Variants in DPP9 observed in about 807,000 individuals in gnomAD.
DPP9 encodes dipeptidyl peptidase 9, also known as dipeptidyl peptidase IV-related protein-2.
In DPP9, 50 loss-of-function variants were observed where a neutral mutation model predicts 110.7. That is an observed-to-expected ratio of 0.45 (90% confidence interval 0.36 to 0.57). The LOEUF is 0.57. DPP9 is among the 20% of genes least tolerant of loss of function. The probability of loss-of-function intolerance (pLI) is 0.00; values close to 1 mark genes in which losing one functional copy is unlikely to be tolerated. For synonymous variants in DPP9, 561 were observed against 514.4 expected, an observed-to-expected ratio of 1.09 and a Z score of -1.23; for missense variants, 1,022 against 1,217.9, an observed-to-expected ratio of 0.84 and a Z score of 2.39.
chr19:4,683,050 G>T (rs2090139740), intron 19 of DPP9: 2 of 1,507,200 alleles, frequency 1.3e-6, no homozygotes, highest in South Asian at 2.4e-5. Context: ...AGGCGGGCAG[G>T]TGCGGCCCCT....
At position 4,684,954 on chromosome 19, in the gene DPP9, G is replaced by T; in HGVS notation, c.2032-145C>A. 1.9e-6 allele frequency: 2 copies of T among 1,075,420 alleles called. No individual in the cohort carries two copies. The highest frequency in any genetic ancestry group is 2.8e-6 in the Non-Finnish European group (2 of 725,814). 66.6% of individuals were successfully genotyped at this position (1,075,420 alleles called of 1,614,324 possible). On this transcript the variant is annotated intron_variant, in intron 17 of 21. Transcript: ENST00000262960. This position sits in a 1 kb window ranked among gnomAD's most constrained non-coding sequence, Gnocchi z 4.8. ...ACCTGTGCCCCGGAGGCTCTGGATG[G>T]ACACCTGGGAGTGGCAAGGCGGGAG...
rs1205506589 is a variant in DPP9, at chr19:4,675,385, CT to C, written c.*1178del. The C allele has an allele frequency of 6.6e-6, 1 of 150,398 alleles. No homozygotes were observed. Among genetic ancestry groups the C allele is most frequent in the Non-Finnish European group, 1.5e-5 (1 of 67,692 alleles). 9.3% of individuals were successfully genotyped at this position (150,398 alleles called of 1,614,324 possible). A position where few individuals can be genotyped will look rare whatever the true frequency, so the allele number is the denominator to read the frequency against. ...TTTTTACTTTTTTTTTTGCCCGCCC[CT>C]GGCAGAGCTCTTGGCGGGGAGGGAA... On this transcript the variant is annotated 3_prime_UTR_variant, in exon 22 of 22. Transcript: ENST00000262960.
chr19:4,684,418 C>T lies in DPP9; in HGVS notation c.2178+245G>A, dbSNP rs2090381551. The T allele has an allele frequency of 1.8e-6, 1 of 547,434 alleles. No homozygotes were observed. Among genetic ancestry groups the T allele is most frequent in the South Asian group, 2.2e-5 (1 of 45,260 alleles). The allele number at this position is 547,434 out of a possible 1,614,324, so 33.9% of individuals were successfully genotyped here. A position where few individuals can be genotyped will look rare whatever the true frequency, so the allele number is the denominator to read the frequency against. Reference sequence around the variant, plus strand: ...GGGGCCGAGATGATCGCCATCACCACCGTCGTCATCACCAGTGTCAGCACA... The same window carrying T: ...GGGGCCGAGATGATCGCCATCACCATCGTCGTCATCACCAGTGTCAGCACA... On this transcript the variant is annotated intron_variant, in intron 18 of 21. Transcript: ENST00000262960. This position sits in a 1 kb window ranked among gnomAD's most constrained non-coding sequence, Gnocchi z 4.8.
At chr19:4,690,035 C>G (rs984994987) in intron 14 of DPP9, among the ~76,000 whole-genome samples, 11 of 152,162 alleles carry the variant, frequency 7.2e-5, no homozygotes, top group African/African-American at 2.7e-4. Flanking sequence ...GGTGGGAAGG[C>G]CAGGGAGGGC....
Position 4,694,650 on chromosome 19 carries a change from G to C in DPP9, c.1516+11C>G. The stretch of plus-strand genomic sequence containing the variant: ...GCGATGAGTCGACAGCATTCGTCAG[G>C]CTCTGCTCACCTTCCCCGGGGCTGA... On this transcript the variant is annotated intron_variant, in intron 13 of 21. Coordinates refer to ENST00000262960, the MANE Select transcript of DPP9 (RefSeq NM_139159.5). The surrounding 1 kb of genome is among the most constrained non-coding windows in gnomAD (Gnocchi z 4.0). 2 of 1,608,310 alleles carry C rather than the reference G, an allele frequency of 1.2e-6. No homozygotes were observed. The highest frequency in any genetic ancestry group is 2.2e-5 in the South Asian group (2 of 90,050).
Position 4,688,894 on chromosome 19 carries a change from TG to T in DPP9, c.1750-3del. On this transcript the variant is annotated splice_region_variant and splice_polypyrimidine_tract_variant and intron_variant, in intron 15 of 21. Transcript: ENST00000262960. Reference sequence around the variant, plus strand: ...GTGGCTGACGAACATGTCGAAGTTCTGGGGGTGGAATGGGGTGATGAGCTCC... The same window carrying T: ...GTGGCTGACGAACATGTCGAAGTTCTGGGGTGGAATGGGGTGATGAGCTCC... The T allele has an allele frequency of 1.3e-6, 2 of 1,516,848 alleles. No homozygotes were observed. Among genetic ancestry groups the T allele is most frequent in the South Asian group, 1.3e-5 (1 of 77,570 alleles). The allele number at this position is 1,516,848 out of a possible 1,614,324, so 94.0% of individuals were successfully genotyped here. A position where few individuals can be genotyped will look rare whatever the true frequency, so the allele number is the denominator to read the frequency against.
At chr19:4,678,184 T>G (rs534548987) in intron 21 of DPP9, among the ~76,000 whole-genome samples, 62 of 152,040 alleles carry the variant, frequency 4.1e-4, no homozygotes, top group Non-Finnish European at 6.0e-4. Context: ...ACAATCTCGG[T>G]TCACTGGAAC....
At chr19:4,711,860 C>T (rs1188580873) in intron 4 of DPP9, among the ~76,000 whole-genome samples, 1 of 151,138 alleles carries the variant, frequency 6.6e-6, no homozygotes, top group African/African-American at 2.4e-5. Flanking sequence ...GCTGTGTGAC[C>T]ATCAGGCCAG....
At chr19:4,699,529 G>A (rs2092081932) in intron 10 of DPP9, among the ~76,000 whole-genome samples, 1 of 152,140 alleles carries the variant, frequency 6.6e-6, no homozygotes, top group Admixed American at 6.5e-5. Context: ...CTGGGCTGCA[G>A]GGGGTGGCTA....
At chr19:4,699,067 GAGA>G (rs1443849465) in intron 10 of DPP9, among the ~76,000 whole-genome samples, 1 of 149,876 alleles carries the variant, frequency 6.7e-6, no homozygotes, top group East Asian at 2.0e-4. Context: ...GCTGAGGCAG[GAGA>G]ATGGCATGAA....
chr19:4,698,864 G>T lies in DPP9; in HGVS notation c.1075-1213C>A, dbSNP rs1229778520. 6.6e-6 allele frequency among the ~76,000 whole-genome samples: 1 copy of T among 151,954 alleles called. No individual in the cohort carries two copies. The highest frequency in any genetic ancestry group is 1.5e-5 in the Non-Finnish European group (1 of 68,000). ...AAATCTGCCAGAATGCTACTGTCAA[G>T]AATGCAAAAGAAGGCCGGGTGTGGT... On this transcript the variant is annotated intron_variant, in intron 10 of 21. Coordinates refer to ENST00000262960, the MANE Select transcript of DPP9 (RefSeq NM_139159.5). The surrounding 1 kb of genome is among the most constrained non-coding windows in gnomAD (Gnocchi z 4.2).
chr19:4,692,424 G>A (rs761505082), intron 13 of DPP9, among the ~76,000 whole-genome samples: 4 of 152,100 alleles, frequency 2.6e-5, no homozygotes, highest in South Asian at 2.1e-4. Context: ...TTGTGGCATC[G>A]GGGCCTGGGG....
intron 21 of DPP9, among the ~76,000 whole-genome samples, chr19:4,678,713 C>A (rs1230790280): frequency 6.6e-6 from 1 of 152,098 alleles, no homozygotes; most frequent in African/African-American, 2.4e-5. Context: ...TCTGCGGCCC[C>A]ATTTCCCTGC....
In DPP9 at chr19:4,704,224, G is replaced by A. The variant is rs1197813963; in HGVS notation, c.507C>T (p.Thr169=). Residue 169 remains threonine (T), a synonymous_variant, in exon 6 of 22, where the codon ACC becomes ACT. Transcript: ENST00000262960. The surrounding 1 kb of genome is among the most constrained non-coding windows in gnomAD (Gnocchi z 6.0). ...CACTCTCGCTGTGGAAGTCGTAGGA[G>A]GTGATGCCGAAGACCCCCAGGCGTT... ...ERKRLGVFGI[T]SYDFHSESGL... The A allele has an allele frequency of 1.2e-6, 2 of 1,613,922 alleles. No homozygotes were observed. The highest frequency in any genetic ancestry group is 4.5e-5 in the East Asian group (2 of 44,902).
intron 4 of DPP9, among the ~76,000 whole-genome samples, chr19:4,709,948 C>A (rs1233778030): frequency 6.6e-6 from 1 of 152,206 alleles, no homozygotes; most frequent in African/African-American, 2.4e-5. Context: ...TCCTTCTAGG[C>A]TGATTAATCA....
chr19:4,716,447 C>T (rs954259853), intron 3 of DPP9, among the ~76,000 whole-genome samples: 1 of 152,072 alleles, frequency 6.6e-6, no homozygotes, highest in Non-Finnish European at 1.5e-5. Flanking sequence ...ACCATCCTGG[C>T]TAACACGGTG....
intron 13 of DPP9, among the ~76,000 whole-genome samples, chr19:4,692,229 G>A (rs1282948231): frequency 2.6e-5 from 4 of 152,076 alleles, no homozygotes; most frequent in Non-Finnish European, 5.9e-5. Flanking sequence ...ATTTTCACCA[G>A]GTAAAGAATG....
intron 4 of DPP9, among the ~76,000 whole-genome samples, chr19:4,707,520 C>T (rs2092642919): frequency 6.6e-6 from 1 of 151,948 alleles, no homozygotes; most frequent in South Asian, 2.1e-4. Flanking sequence ...GGTGCCCTGG[C>T]CCCTCCTTGC....
At chr19:4,699,131 C>A (rs1309893876) in intron 10 of DPP9, among the ~76,000 whole-genome samples, 2 of 140,760 alleles carry the variant, frequency 1.4e-5, no homozygotes, top group Admixed American at 7.4e-5. Flanking sequence ...TGCACTCCAG[C>A]CTGGGCGACA....
Sources: allele counts gnomAD v4.1 joint callset (sites outside exome capture counted in the v4.1 genomes callset), GRCh38; gene constraint gnomAD v4.1.1; non-coding constraint Gnocchi (gnomAD v3.1); transcripts MANE v1.5; gene names NCBI Gene and HGNC (gene_info 2026-07-23, HGNC 2026-07-21).